The following CACNA1I variants were observed in gnomAD, a reference collection of about 807,000 sequenced individuals.
The protein encoded by CACNA1I is calcium voltage-gated channel subunit alpha1 I, also known as voltage-dependent T-type calcium channel subunit alpha-1I.
CACNA1I carries 74 observed loss-of-function variants against 201.6 expected under a neutral mutation model. The ratio of observed to expected loss-of-function variants is 0.37; its 90% CI spans 0.30 to 0.45. The LOEUF (loss-of-function observed/expected upper bound fraction) is 0.45, where lower values mean the gene tolerates loss of function less well. CACNA1I is among the 20% of genes least tolerant of loss of function. CACNA1I has a pLI of 1.00. For synonymous variants in CACNA1I, 1,431 were observed against 1,345.2 expected (o/e 1.06, Z -1.40); for missense variants, 2,346 against 3,138.1 (o/e 0.75, Z 6.03).
chr22:39,603,273 T>G (rs1468697981), intron 3 of CACNA1I, among the ~76,000 whole-genome samples: 1 of 152,258 alleles, frequency 6.6e-6, no homozygotes. Context: ...TATAGATGTT[T>G]CTGTCCTCTA....
At chr22:39,675,907 G>A (rs542110162) in intron 29 of CACNA1I, among the ~76,000 whole-genome samples, 13 of 152,242 alleles carry the variant, frequency 8.5e-5, no homozygotes, top group Non-Finnish European at 1.8e-4. Context: ...CTGGGGGCCA[G>A]GTCACAGCAC....
intron 1 of CACNA1I, among the ~76,000 whole-genome samples, chr22:39,574,732 G>A (rs993096935): frequency 2.0e-5 from 3 of 152,220 alleles, no homozygotes; most frequent in Admixed American, 1.3e-4. Flanking sequence ...ACCCTGCAAA[G>A]GGCGACTCTT....
chr22:39,575,194 G>A (rs772923478), intron 1 of CACNA1I, among the ~76,000 whole-genome samples: 5 of 152,246 alleles, frequency 3.3e-5, no homozygotes, highest in African/African-American at 4.8e-5. Context: ...GGGAGGTGGC[G>A]TGTGGCACCG....
chr22:39,662,365 T>C lies in CACNA1I; in HGVS notation c.3302T>C (p.Ile1101Thr). The C allele has an allele frequency of 6.7e-7, 1 of 1,484,518 alleles. No homozygotes were observed. Among genetic ancestry groups the C allele is most frequent in the Non-Finnish European group, 8.9e-7 (1 of 1,124,984 alleles). 92.0% of individuals were successfully genotyped at this position (1,484,518 alleles called of 1,614,324 possible). ...HEDCNGRMPS[I>T]AKDVFTKMGD... is the part of the protein sequence containing the mutation. ...GACTGCAATGGCAGGATGCCCAGCATCGCCAAAGACGTCTTCACCAAGATG... is the reference window on the plus strand; with the variant it reads ...GACTGCAATGGCAGGATGCCCAGCACCGCCAAAGACGTCTTCACCAAGATG... The change falls in exon 17 of 37, where the codon ATC (isoleucine) becomes ACC (threonine). Residue 1101 changes from isoleucine to threonine, a missense_variant. By Grantham distance (89) the Ile-to-Thr change is moderately conservative. Coordinates refer to ENST00000402142, the MANE Select transcript of CACNA1I (RefSeq NM_021096.4).
At chr22:39,572,619 G>T (rs922036202) in intron 1 of CACNA1I, among the ~76,000 whole-genome samples, 3 of 152,108 alleles carry the variant, frequency 2.0e-5, no homozygotes, top group Non-Finnish European at 4.4e-5. Flanking sequence ...AGCGTCTCAG[G>T]CTTGGTGAGA....
At position 39,640,845 on chromosome 22, in the gene CACNA1I, ACC is replaced by A; in HGVS notation, c.741-20_741-19del. 1 of 1,587,766 alleles carries A rather than the reference ACC, an allele frequency of 6.3e-7. No homozygotes were observed. Among genetic ancestry groups the A allele is most frequent in the Non-Finnish European group, 8.6e-7 (1 of 1,164,280 alleles). The stretch of plus-strand genomic sequence containing the variant: ...GTGACCCCTCCCCTTTCCCTCTTTT[ACC>A]CACCCTCGCCTGTGGACAGACAAGG... On this transcript the variant is annotated intron_variant, in intron 5 of 36. Coordinates refer to ENST00000402142, the MANE Select transcript of CACNA1I (RefSeq NM_021096.4).
chr22:39,575,873 C>A (rs1195142617), intron 1 of CACNA1I, among the ~76,000 whole-genome samples: 2 of 151,808 alleles, frequency 1.3e-5, no homozygotes, highest in Admixed American at 6.6e-5. Flanking sequence ...CTCCTGGGTT[C>A]AAGTGATTCT....
intron 1 of CACNA1I, among the ~76,000 whole-genome samples, chr22:39,571,594 C>T (rs1209990751): frequency 6.6e-6 from 1 of 151,060 alleles, no homozygotes; most frequent in East Asian, 1.9e-4. Context: ...AGCCTCACTT[C>T]CCACCACTTG....
intron 17 of CACNA1I, 44 bp from the exon 18 acceptor site, chr22:39,662,732 C>T: frequency 7.2e-7 from 1 of 1,383,210 alleles, no homozygotes; most frequent in Non-Finnish European, 1.0e-6. Flanking sequence ...GACCGGCAAC[C>T]CTGCGCATCG....
At chr22:39,608,770 A>G (rs544515316) in intron 3 of CACNA1I, among the ~76,000 whole-genome samples, 1 of 152,178 alleles carries the variant, frequency 6.6e-6, no homozygotes, top group Admixed American at 6.5e-5. Flanking sequence ...CAGTGAGCCA[A>G]GATTGCGCCA....
chr22:39,627,538 G>A (rs1408844248), intron 4 of CACNA1I, among the ~76,000 whole-genome samples: 1 of 152,238 alleles, frequency 6.6e-6, no homozygotes, highest in African/African-American at 2.4e-5. Context: ...CCAGGTGCCT[G>A]CCCAACCAGG....
intron 1 of CACNA1I, among the ~76,000 whole-genome samples, chr22:39,581,097 G>C (rs1295805478): frequency 6.6e-6 from 1 of 152,194 alleles, no homozygotes; most frequent in Admixed American, 6.5e-5. Flanking sequence ...GGGAACCTCT[G>C]GGGGGCATGA....
intron 1 of CACNA1I, among the ~76,000 whole-genome samples, chr22:39,573,177 G>T (rs998196712): frequency 6.6e-6 from 1 of 152,198 alleles, no homozygotes; most frequent in Admixed American, 6.5e-5. Context: ...GAAGAGAAAG[G>T]CTGGTAGGAG....
intron 4 of CACNA1I, among the ~76,000 whole-genome samples, chr22:39,632,842 G>A (rs1048641504): frequency 4.0e-5 from 6 of 150,966 alleles, no homozygotes; most frequent in Non-Finnish European, 5.9e-5. Context: ...TACACGCCTC[G>A]CTTCCCTGCT....
chr22:39,654,760 C>T (rs761923266), intron 10 of CACNA1I, among the ~76,000 whole-genome samples: 1 of 151,996 alleles, frequency 6.6e-6, no homozygotes, highest in African/African-American at 2.4e-5. Context: ...AGTTCATCAG[C>T]GAGACAGAGG....
chr22:39,597,061 T>G (rs941520828), intron 1 of CACNA1I, among the ~76,000 whole-genome samples: 5 of 152,206 alleles, frequency 3.3e-5, no homozygotes, highest in African/African-American at 1.2e-4. Flanking sequence ...GTCTGGAAGT[T>G]CACCTGGGTG....
chr22:39,665,393 G>A lies in CACNA1I; in HGVS notation c.3852-105G>A, dbSNP rs960445413. On this transcript the variant is annotated intron_variant, in intron 21 of 36. Transcript: ENST00000402142. This position sits in a 1 kb window ranked among gnomAD's most constrained non-coding sequence, Gnocchi z 5.5. ...GTGTTCAGCCCTGGTGAGCCCTGGG[G>A]ACTCATGCCCTGGGATACTCAGCCC... 11 of 1,368,126 alleles carry A rather than the reference G, an allele frequency of 8.0e-6. No homozygotes were observed. The highest frequency in any genetic ancestry group is 1.1e-5 in the Non-Finnish European group (11 of 994,856). 84.7% of individuals were successfully genotyped at this position (1,368,126 alleles called of 1,614,324 possible). A position where few individuals can be genotyped will look rare whatever the true frequency, so the allele number is the denominator to read the frequency against.
rs1447634999 is a variant in CACNA1I, at chr22:39,646,805, C to T, written c.1386C>T (p.Ser462=). The change falls in exon 8 of 37, where the codon AGC becomes AGT. Residue 462 remains serine, a synonymous_variant. Transcript: ENST00000402142. ...RALGLYQALQ[S]RRQALGPEAP... Reference sequence around the variant, plus strand: ...TGGGCCTCTACCAGGCCCTGCAGAGCCGGCGCCAGGCCCTGGGCCCGGAGG... The same window carrying T: ...TGGGCCTCTACCAGGCCCTGCAGAGTCGGCGCCAGGCCCTGGGCCCGGAGG... 6.4e-6 allele frequency: 10 copies of T among 1,554,624 alleles called. No homozygotes were observed. The Admixed American group carries it at 1.7e-4, about 27-fold the overall frequency.
intron 2 of CACNA1I, among the ~76,000 whole-genome samples, chr22:39,599,010 G>A (rs111887621): frequency 0.13 from 17,657 of 140,958 alleles, 1,868 homozygotes; most frequent in African/African-American, 0.29. Context: ...GTGCAGTGGC[G>A]CGATCTCGGT....
Sources: gnomAD v4.1 joint callset for allele counts (sites outside exome capture counted in the v4.1 genomes callset) on GRCh38, gnomAD v4.1.1 for gene constraint, Gnocchi (gnomAD v3.1) non-coding constraint, MANE v1.5 for transcripts, NCBI Gene and HGNC (gene_info 2026-07-23, HGNC 2026-07-21) for gene names.